ZMYM4: variants seen among roughly 807,000 people sequenced by gnomAD.
The protein encoded by ZMYM4 is zinc finger MYM-type containing 4, also known as zinc finger MYM-type protein 4.
In ZMYM4, 31 loss-of-function variants were observed where a neutral mutation model predicts 183.2. The ratio of observed to expected loss-of-function variants is 0.17; its 90% CI spans 0.13 to 0.23. The LOEUF is 0.23. ZMYM4 is among the 10% of genes least tolerant of loss of function. The pLI, the probability that ZMYM4 is intolerant of heterozygous loss-of-function variation, is 1.00. For missense variants in ZMYM4, 1,273 were observed against 1,840.3 expected, an observed-to-expected ratio of 0.69 and a Z score of 5.64; for synonymous variants, 592 against 631.2, an observed-to-expected ratio of 0.94 and a Z score of 0.93.
At chr1:35,322,676 G>A (rs961300038) in intron 1 of ZMYM4, among the ~76,000 whole-genome samples, 23 of 152,036 alleles carry the variant, frequency 1.5e-4, no homozygotes, top group Admixed American at 4.6e-4. Flanking sequence ...AGCATGTATA[G>A]ACAACTTTTT....
At chr1:35,284,013 A>G (rs984568708) in intron 1 of ZMYM4, among the ~76,000 whole-genome samples, 4 of 150,474 alleles carry the variant, frequency 2.7e-5, no homozygotes, top group African/African-American at 9.8e-5. Context: ...TCTGTCGCCC[A>G]GGCTGGACTG....
intron 2 of ZMYM4, among the ~76,000 whole-genome samples, chr1:35,335,921 C>A (rs1287030655): frequency 6.6e-6 from 1 of 152,156 alleles, no homozygotes; most frequent in Non-Finnish European, 1.5e-5. Context: ...GAGCGAGACT[C>A]CGTCTCAAAA....
At chr1:35,342,353 G>T (rs1027624061) in intron 2 of ZMYM4, among the ~76,000 whole-genome samples, 2 of 151,826 alleles carry the variant, frequency 1.3e-5, no homozygotes, top group African/African-American at 2.4e-5. Context: ...TAGAGAGAAG[G>T]TCTTTCTCTG....
At chr1:35,307,990 C>A (rs959765520) in intron 1 of ZMYM4, among the ~76,000 whole-genome samples, 1 of 148,888 alleles carries the variant, frequency 6.7e-6, no homozygotes, top group East Asian at 2.0e-4. Context: ...CCACCGCACC[C>A]GGCTAATTTT....
At chr1:35,338,551 C>T (rs1643070474) in intron 2 of ZMYM4, among the ~76,000 whole-genome samples, 1 of 152,104 alleles carries the variant, frequency 6.6e-6, no homozygotes, top group South Asian at 2.1e-4. Context: ...CCAGTAATAC[C>T]AAGGAAAGAC....
intron 26 of ZMYM4, among the ~76,000 whole-genome samples, chr1:35,410,077 G>GTT (rs995434162): frequency 1.3e-5 from 2 of 152,154 alleles, no homozygotes; most frequent in Non-Finnish European, 1.5e-5. Flanking sequence ...GGCAGAAGGT[G>GTT]AAGGGGGAGC....
chr1:35,351,555 C>A, intron 2 of ZMYM4: 1 of 1,093,574 alleles, frequency 9.1e-7, no homozygotes, highest in Non-Finnish European at 1.3e-6. Context: ...GATCAGGTAA[C>A]TCAAAAGAAG....
At chr1:35,277,164 C>T (rs1469439265) in intron 1 of ZMYM4, among the ~76,000 whole-genome samples, 10 of 152,126 alleles carry the variant, frequency 6.6e-5, no homozygotes, top group Non-Finnish European at 1.5e-4. Context: ...GATCCCTAGG[C>T]CACATCTCCG....
At chr1:35,316,521 AATCAC>A (rs1304749833) in intron 1 of ZMYM4, among the ~76,000 whole-genome samples, 2 of 152,228 alleles carry the variant, frequency 1.3e-5, no homozygotes, top group African/African-American at 4.8e-5. Flanking sequence ...AGCAGTGACT[AATCAC>A]ATCACTTCTT....
In ZMYM4 at chr1:35,285,744, G is replaced by A. The variant is rs548417983; in HGVS notation, c.39+16659G>A. ...GGGACTTGAGCATTCAAGGATTTTG[G>A]TATCTTTGGGGGGTCCAGGGTCCAG... On this transcript the variant is annotated intron_variant, in intron 1 of 29. Transcript: ENST00000314607. Among the ~76,000 whole-genome samples, 79 of 152,280 alleles carry A rather than the reference G, an allele frequency of 5.2e-4. 1 individual carries two copies. The South Asian group carries it at 0.011, about 22-fold the overall frequency.
intron 10 of ZMYM4, 110 bp from the exon 11 acceptor site, chr1:35,385,964 A>G: frequency 5.8e-6 from 4 of 688,752 alleles, no homozygotes; most frequent in South Asian, 2.9e-5. Context: ...AGTTCCTACA[A>G]CTTACCCTGG....
rs1471266394 is a variant in ZMYM4, at chr1:35,370,854, T to C, written c.1181+227T>C. 1.5e-5 allele frequency: 7 copies of C among 455,810 alleles called. No homozygotes were observed. In the South Asian group the frequency reaches 3.3e-4, roughly 21 times the overall value. The allele number at this position is 455,810 out of a possible 1,614,324, so 28.2% of individuals were successfully genotyped here. The stretch of plus-strand genomic sequence containing the variant: ...TTAGCTTTCAATAATGTTACTTTTA[T>C]GTATTGTTTTTGAAACCAGCTCTCC... On this transcript the variant is annotated intron_variant, in intron 7 of 29. Coordinates refer to ENST00000314607, the MANE Select transcript of ZMYM4 (RefSeq NM_005095.3).
chr1:35,274,620 A>T (rs1269853729), intron 1 of ZMYM4, among the ~76,000 whole-genome samples: 2 of 150,312 alleles, frequency 1.3e-5, no homozygotes, highest in Admixed American at 6.6e-5. Context: ...TTTTTTTAAA[A>T]AAAAAAAAAA....
Position 35,399,059 on chromosome 1 carries a change from C to T in ZMYM4, c.3433+16C>T. ...TTTCCATCAGGTTTGTGTACAGTAACCTGTCCACTGAAAGCTTTTTATTTT... is the reference window on the plus strand; with the variant it reads ...TTTCCATCAGGTTTGTGTACAGTAATCTGTCCACTGAAAGCTTTTTATTTT... On this transcript the variant is annotated intron_variant, in intron 22 of 29. Transcript: ENST00000314607. 6.2e-7 allele frequency: 1 copy of T among 1,611,420 alleles called. No homozygotes were observed.
At chr1:35,322,981 C>T (rs753185352) in intron 1 of ZMYM4, among the ~76,000 whole-genome samples, 20 of 151,166 alleles carry the variant, frequency 1.3e-4, no homozygotes, top group Admixed American at 4.6e-4. Context: ...TGAGTCACCA[C>T]GCCTGGCTTT....
intron 9 of ZMYM4, among the ~76,000 whole-genome samples, chr1:35,382,108 G>A (rs1336267593): frequency 2.0e-5 from 3 of 147,658 alleles, no homozygotes; most frequent in Non-Finnish European, 4.4e-5. Flanking sequence ...TCGTACCATT[G>A]CACTCCAGCC....
chr1:35,280,154 TCCTTCCTC>T (rs1217106744), intron 1 of ZMYM4, among the ~76,000 whole-genome samples: 12 of 151,084 alleles, frequency 7.9e-5, no homozygotes, highest in South Asian at 2.1e-4. Flanking sequence ...CTTTCTTTCT[TCCTTCCTC>T]CCTTCCTCCC....
intron 2 of ZMYM4, among the ~76,000 whole-genome samples, chr1:35,351,806 A>G (rs1419039594): frequency 6.6e-6 from 1 of 152,242 alleles, no homozygotes; most frequent in Admixed American, 6.5e-5. Context: ...ATTCTTGGAT[A>G]TAGCATAGAA....
chr1:35,296,998 C>T (rs1029724918), intron 1 of ZMYM4, among the ~76,000 whole-genome samples: 5 of 151,608 alleles, frequency 3.3e-5, no homozygotes, highest in Non-Finnish European at 5.9e-5. Context: ...TACAGGCGTG[C>T]GCCACCACAC....
Sources: allele counts gnomAD v4.1 joint callset (sites outside exome capture counted in the v4.1 genomes callset), GRCh38; gene constraint gnomAD v4.1.1; transcripts MANE v1.5; gene names NCBI Gene and HGNC (gene_info 2026-07-23, HGNC 2026-07-21).